PIK3C2G: variants seen among roughly 807,000 people sequenced by gnomAD.
PIK3C2G encodes the protein phosphatidylinositol-4-phosphate 3-kinase catalytic subunit type 2 gamma.
A neutral mutation model predicts 181.1 loss-of-function variants in PIK3C2G; 168 were observed. The observed-to-expected ratio is 0.93, with a 90% CI of 0.82 to 1.05. PIK3C2G has a LOEUF of 1.05. Among genes scored for constraint, PIK3C2G ranks in the 50% least tolerant of loss-of-function variants. The pLI, the probability that PIK3C2G is intolerant of heterozygous loss-of-function variation, is 0.00. For synonymous variants in PIK3C2G, 573 were observed against 592.2 expected, an observed-to-expected ratio of 0.97 and a Z score of 0.47; for missense variants, 1,869 against 1,732.8, an observed-to-expected ratio of 1.08 and a Z score of -1.40.
chr12:18,682,307 C>T, the PIK3C2G span, among the ~76,000 whole-genome samples: 1 of 151,970 alleles, frequency 6.6e-6, no homozygotes, highest in Non-Finnish European at 1.5e-5. Context: ...TAGTACACAT[C>T]CCAAACATTT....
intron 1 of PIK3C2G, among the ~76,000 whole-genome samples, chr12:18,272,915 G>A (rs1262308005): frequency 1.3e-5 from 2 of 152,016 alleles, no homozygotes; most frequent in Non-Finnish European, 2.9e-5. Flanking sequence ...ATCTGAATGT[G>A]AGGAATGCTC....
chr12:18,302,692 T>C lies in PIK3C2G; in HGVS notation c.1034+8677T>C, dbSNP rs138754082. Among the ~76,000 whole-genome samples the C allele has an allele frequency of 5.3e-5, 8 of 152,150 alleles. No homozygotes were observed. The East Asian group carries it at 1.2e-3, about 22-fold the overall frequency. On this transcript the variant is annotated intron_variant, in intron 5 of 32. Coordinates refer to ENST00000538779, the MANE Select transcript of PIK3C2G (RefSeq NM_001288772.2). ...ATGTTTTGCTGGTGTGTTTCAGGCATAGACAGGGTGGCATGATTCCCAAGG... is the reference window on the plus strand; with the variant it reads ...ATGTTTTGCTGGTGTGTTTCAGGCACAGACAGGGTGGCATGATTCCCAAGG...
chr12:18,260,952 T>C (rs1281357277), upstream of PIK3C2G, among the ~76,000 whole-genome samples: 1 of 152,126 alleles, frequency 6.6e-6, no homozygotes, highest in Admixed American at 6.6e-5. Flanking sequence ...TGCTGTTCCT[T>C]TTCAGATGTT....
At chr12:18,520,003 A>G (rs1349273866) in intron 24 of PIK3C2G, among the ~76,000 whole-genome samples, 1 of 123,376 alleles carries the variant, frequency 8.1e-6, no homozygotes, top group Non-Finnish European at 1.7e-5. Context: ...AATAAATACT[A>G]AAAAAAAAAA....
intron 26 of PIK3C2G, among the ~76,000 whole-genome samples, chr12:18,560,643 A>G (rs1945297257): frequency 6.6e-6 from 1 of 152,090 alleles, no homozygotes; most frequent in Non-Finnish European, 1.5e-5. Context: ...TCCAATGTAC[A>G]TATAATAGTA....
chr12:18,626,153 G>C (rs1297050384), intron 31 of PIK3C2G, among the ~76,000 whole-genome samples: 2 of 151,502 alleles, frequency 1.3e-5, no homozygotes, highest in Non-Finnish European at 3.0e-5. Context: ...TTCTGTAGTA[G>C]TATGTTTTCA....
intron 31 of PIK3C2G, among the ~76,000 whole-genome samples, chr12:18,623,150 TTTC>T (rs1458144778): frequency 6.6e-6 from 1 of 151,896 alleles, no homozygotes; most frequent in Non-Finnish European, 1.5e-5. Flanking sequence ...TTCTCTGACT[TTTC>T]TTCTCATAGT....
chr12:18,490,341 A>T (rs1296688868), intron 19 of PIK3C2G, among the ~76,000 whole-genome samples: 1 of 152,218 alleles, frequency 6.6e-6, no homozygotes, highest in Non-Finnish European at 1.5e-5. Context: ...CTGAGTGAAC[A>T]TTATTAATAT....
intron 1 of PIK3C2G, among the ~76,000 whole-genome samples, chr12:18,276,736 A>G (rs1949002517): frequency 6.6e-6 from 1 of 152,200 alleles, no homozygotes; most frequent in African/African-American, 2.4e-5. Context: ...TTTTTGTATT[A>G]CAAGTGTTTT....
intron 24 of PIK3C2G, among the ~76,000 whole-genome samples, chr12:18,532,606 T>C (rs1174322815): frequency 1.3e-5 from 2 of 152,164 alleles, no homozygotes; most frequent in Non-Finnish European, 2.9e-5. Context: ...TTTACAACTT[T>C]GTACAAAATC....
At chr12:18,407,146 A>C (rs1944584434) in intron 16 of PIK3C2G, among the ~76,000 whole-genome samples, 1 of 152,080 alleles carries the variant, frequency 6.6e-6, no homozygotes, top group South Asian at 2.1e-4. Context: ...CTTATCATGA[A>C]TCCTTCATTA....
At position 18,410,781 on chromosome 12, in the gene PIK3C2G, T is replaced by C. The variant is rs76714620; in HGVS notation, c.2316-10160T>C. ...CAGTGCATCATGTTACTTTTACATA[T>C]AATGTTTATGTTTAGTGCATCCAAA... is the stretch of plus-strand genomic sequence containing the variant. On this transcript the variant is annotated intron_variant, in intron 16 of 32. Transcript: ENST00000538779. Among the ~76,000 whole-genome samples the C allele has an allele frequency of 9.3e-3, 1,417 of 152,312 alleles. 14 individuals are homozygous for C. The highest frequency in any genetic ancestry group is 0.027 in the African/African-American group (1,119 of 41,586).
chr12:18,721,030 T>C, the PIK3C2G span, among the ~76,000 whole-genome samples: 1 of 152,070 alleles, frequency 6.6e-6, no homozygotes, highest in African/African-American at 2.4e-5. Context: ...TTTCAAGCCA[T>C]ATAAATTTAG....
intron 31 of PIK3C2G, among the ~76,000 whole-genome samples, chr12:18,612,965 A>C (rs1409768746): frequency 1.3e-5 from 2 of 152,146 alleles, no homozygotes; most frequent in East Asian, 3.9e-4. Flanking sequence ...TAGCACACAG[A>C]GACTGATGAA....
chr12:18,310,057 T>G (rs765191573), intron 5 of PIK3C2G, among the ~76,000 whole-genome samples: 2 of 151,888 alleles, frequency 1.3e-5, no homozygotes, highest in Non-Finnish European at 2.9e-5. Context: ...GTTGAAATTT[T>G]TAAAAGATAA....
At chr12:18,298,843 A>T (rs1950057120) in intron 5 of PIK3C2G, among the ~76,000 whole-genome samples, 1 of 151,864 alleles carries the variant, frequency 6.6e-6, no homozygotes, top group Non-Finnish European at 1.5e-5. Context: ...CTTTGTCAAA[A>T]ATCACTAGGC....
chr12:18,398,689 T>A (rs571006005), intron 15 of PIK3C2G, among the ~76,000 whole-genome samples: 1 of 152,282 alleles, frequency 6.6e-6, no homozygotes, highest in Non-Finnish European at 1.5e-5. Context: ...TAGATTTAGA[T>A]CTTTTATTTC....
At position 18,332,896 on chromosome 12, in the gene PIK3C2G, C is replaced by A. The variant is rs200228813; in HGVS notation, c.1273-5530C>A. On this transcript the variant is annotated intron_variant, in intron 8 of 32. Transcript: ENST00000538779. ...AATATGACTTCAGTTTCCTGCACAG[C>A]CTTCAGTATTTTCCCCGAAAAGCTG... Among the ~76,000 whole-genome samples, 4 of 152,228 alleles carry A rather than the reference C, an allele frequency of 2.6e-5. No individual in the cohort carries two copies. The East Asian group carries it at 7.8e-4, about 30-fold the overall frequency.
the PIK3C2G span, among the ~76,000 whole-genome samples, chr12:18,720,175 C>T: frequency 1.3e-5 from 2 of 152,044 alleles, no homozygotes; most frequent in African/African-American, 4.8e-5. Flanking sequence ...CTTGTAGTTG[C>T]ATGTAGTTAT....
Sources: gnomAD v4.1 joint callset for allele counts (sites outside exome capture counted in the v4.1 genomes callset) on GRCh38, gnomAD v4.1.1 for gene constraint, MANE v1.5 for transcripts, NCBI Gene and HGNC (gene_info 2026-07-23, HGNC 2026-07-21) for gene names.